The following SNX29 variants were observed in gnomAD, a reference collection of about 807,000 sequenced individuals.
SNX29 encodes the protein sorting nexin 29, also known as sorting nexin-29.
Under a neutral mutation model 102.1 loss-of-function variants are expected in SNX29, and 78 were observed. The observed-to-expected ratio is 0.76, with a 90% CI of 0.64 to 0.92. The LOEUF (loss-of-function observed/expected upper bound fraction) is 0.92. Ranked by LOEUF, SNX29 falls within the 40% of genes least tolerant of loss-of-function variation. The pLI is 0.00. For missense variants in SNX29, 1,280 were observed against 1,061.7 expected (o/e 1.21, Z -2.86); for synonymous variants, 580 against 414.5 (o/e 1.40, Z -4.85).
intron 13 of SNX29, among the ~76,000 whole-genome samples, chr16:12,154,035 A>G (rs557096148): frequency 6.6e-6 from 1 of 152,236 alleles, no homozygotes; most frequent in Admixed American, 6.5e-5. Flanking sequence ...CATTAAGAAC[A>G]ATTAGATGTA....
intron 16 of SNX29, among the ~76,000 whole-genome samples, chr16:12,366,438 A>G (rs569835373): frequency 1.3e-5 from 2 of 152,316 alleles, no homozygotes; most frequent in African/African-American, 4.8e-5. Context: ...TTGATGTACT[A>G]GCTAGCAGGG....
At chr16:12,555,220 G>C (rs961892576) in intron 20 of SNX29, among the ~76,000 whole-genome samples, 2 of 151,824 alleles carry the variant, frequency 1.3e-5, no homozygotes, top group Non-Finnish European at 2.9e-5. Context: ...CAGCTGCTGG[G>C]TACAGGGAGA....
At chr16:12,273,203 C>G (rs150986375) in intron 14 of SNX29, among the ~76,000 whole-genome samples, 9 of 152,290 alleles carry the variant, frequency 5.9e-5, no homozygotes, top group Non-Finnish European at 8.8e-5. Context: ...CTGGCCTACT[C>G]TAGCCAGAAG....
rs144161867 is a variant in SNX29, at chr16:12,520,191, C to T, written c.2179-4511C>T. Reference sequence around the variant, plus strand: ...AGAGTGAGACCTGAGGGAAAAGTGCCTGGGGCAGAGGATGAGTCATGCAGC... The same window carrying T: ...AGAGTGAGACCTGAGGGAAAAGTGCTTGGGGCAGAGGATGAGTCATGCAGC... On this transcript the variant is annotated intron_variant, in intron 19 of 20. Transcript: ENST00000566228. Among the ~76,000 whole-genome samples, 628 of 152,276 alleles carry T rather than the reference C, an allele frequency of 4.1e-3. 8 individuals carry two copies. Among genetic ancestry groups the T allele is most frequent in the Middle Eastern group, 0.027 (8 of 294 alleles).
intron 14 of SNX29, among the ~76,000 whole-genome samples, chr16:12,247,651 C>G (rs1323913791): frequency 6.6e-6 from 1 of 152,192 alleles, no homozygotes; most frequent in Non-Finnish European, 1.5e-5. Context: ...TGGCATGACC[C>G]AGTGGAGGAT....
intron 13 of SNX29, among the ~76,000 whole-genome samples, chr16:12,197,541 AGCCTGG>A (rs765671011): frequency 1.3e-5 from 2 of 152,248 alleles, no homozygotes; most frequent in Non-Finnish European, 2.9e-5. Context: ...ACTGCACTCC[AGCCTGG>A]GCGACAGAGT....
At chr16:12,021,334 G>C (rs2057012988) in intron 3 of SNX29, among the ~76,000 whole-genome samples, 2 of 152,172 alleles carry the variant, frequency 1.3e-5, no homozygotes, top group Middle Eastern at 6.8e-3. Flanking sequence ...GCTGAGGCAG[G>C]ACAATTGCTT....
chr16:12,378,330 G>T (rs892147713), intron 16 of SNX29, among the ~76,000 whole-genome samples: 5 of 152,076 alleles, frequency 3.3e-5, no homozygotes, highest in Admixed American at 1.3e-4. Context: ...GAGGTGCCAG[G>T]TTCTTTAAAA....
intron 7 of SNX29, among the ~76,000 whole-genome samples, chr16:12,049,123 C>T (rs1434247816): frequency 1.3e-5 from 2 of 152,128 alleles, no homozygotes; most frequent in African/African-American, 4.8e-5. Flanking sequence ...TTGCCTCTGA[C>T]TGGGGATGGC....
rs1203781152 is a variant in SNX29 at position 12,573,273 on chromosome 16, C to T, written c.*4644C>T. 4.4e-6 allele frequency: 1 copy of T among 227,816 alleles called. No homozygotes were observed. The highest frequency in any genetic ancestry group is 8.7e-6 in the Non-Finnish European group (1 of 114,792). 14.1% of individuals were successfully genotyped at this position (227,816 alleles called of 1,614,324 possible). A position where few individuals can be genotyped will look rare whatever the true frequency, so the allele number is the denominator to read the frequency against. ...TCGATCAGTCATCTCTGGTATTCCT[C>T]ACTCTAGCCATGAGCCATTGCCATC... On this transcript the variant is annotated 3_prime_UTR_variant, in exon 21 of 21. Transcript: ENST00000566228.
chr16:12,565,132 AG>A (rs139084045), intron 20 of SNX29, among the ~76,000 whole-genome samples: 39,845 of 151,656 alleles, frequency 0.26, 5,745 homozygotes, highest in East Asian at 0.44. Context: ...TATCCACATT[AG>A]CCCCCACTTC....
At chr16:12,508,318 G>A (rs983475294) in intron 19 of SNX29, among the ~76,000 whole-genome samples, 1 of 152,222 alleles carries the variant, frequency 6.6e-6, no homozygotes, top group Non-Finnish European at 1.5e-5. Context: ...CTGTAGATAG[G>A]TGCTTGGCCT....
At chr16:12,378,131 G>C (rs1567499706) in intron 16 of SNX29, among the ~76,000 whole-genome samples, 1 of 152,194 alleles carries the variant, frequency 6.6e-6, no homozygotes, top group Non-Finnish European at 1.5e-5. Context: ...TTGTGTTGCT[G>C]CAAAGGAATG....
intron 4 of SNX29, among the ~76,000 whole-genome samples, chr16:12,041,180 TG>T (rs2049866591): frequency 6.6e-6 from 1 of 151,896 alleles, no homozygotes; most frequent in South Asian, 2.1e-4. Flanking sequence ...GGTGCGATCT[TG>T]GCTCATTGCA....
chr16:12,256,470 G>C (rs1039983526), intron 14 of SNX29, among the ~76,000 whole-genome samples: 2 of 152,142 alleles, frequency 1.3e-5, no homozygotes, highest in African/African-American at 4.8e-5. Context: ...TGGAATTACA[G>C]GCGTGTACCA....
intron 20 of SNX29, among the ~76,000 whole-genome samples, chr16:12,531,462 G>A (rs905948458): frequency 6.6e-6 from 1 of 152,202 alleles, no homozygotes; most frequent in Non-Finnish European, 1.5e-5. Flanking sequence ...GAGGAAAGGG[G>A]GACATGGGTT....
At chr16:12,022,202 C>CTTTTTTTTTTTTTTTTTTTTTTTTTTTCT (rs536499880) in intron 3 of SNX29, among the ~76,000 whole-genome samples, 1 of 119,122 alleles carries the variant, frequency 8.4e-6, no homozygotes, top group Non-Finnish European at 1.7e-5. Flanking sequence ...GATTTTTGTG[C>CTTTTTTTTTTTTTTTTTTTTTTTTTTTCT]TTTTTTTTTT....
At chr16:12,267,012 C>T (rs1035639044) in intron 14 of SNX29, among the ~76,000 whole-genome samples, 2 of 152,174 alleles carry the variant, frequency 1.3e-5, no homozygotes, top group African/African-American at 4.8e-5. Context: ...ATCCGCCTGC[C>T]TCAGCCTCCC....
At chr16:12,232,782 T>G (rs770459899) in intron 14 of SNX29, among the ~76,000 whole-genome samples, 3 of 152,178 alleles carry the variant, frequency 2.0e-5, no homozygotes, top group Non-Finnish European at 4.4e-5. Flanking sequence ...CTGAGAGGGC[T>G]GGAAAGGAGA....
Sources: allele counts gnomAD v4.1 joint callset (sites outside exome capture counted in the v4.1 genomes callset), GRCh38; gene constraint gnomAD v4.1.1; transcripts MANE v1.5; gene names NCBI Gene and HGNC (gene_info 2026-07-23, HGNC 2026-07-21).